Variants in PPARGC1A observed in about 807,000 individuals in gnomAD.
PPARGC1A encodes the protein PPARG coactivator 1 alpha.
A neutral mutation model predicts 88.7 loss-of-function variants in PPARGC1A; 25 were observed. The observed-to-expected ratio is 0.28, with a 90% CI of 0.21 to 0.39. The LOEUF (loss-of-function observed/expected upper bound fraction) is 0.39. PPARGC1A is among the 10% of genes least tolerant of loss of function. The pLI, the probability that PPARGC1A is intolerant of heterozygous loss-of-function variation, is 1.00. For missense variants in PPARGC1A, 880 were observed against 968.7 expected (o/e 0.91, Z 1.22); for synonymous variants, 363 against 355.6 (o/e 1.02, Z -0.24).
At chr4:24,220,272 G>A in the PPARGC1A span, among the ~76,000 whole-genome samples, 1 of 152,212 alleles carries the variant, frequency 6.6e-6, no homozygotes, top group African/African-American at 2.4e-5. Context: ...TACACTGTTG[G>A]TGGGAACACA....
intron 10 of PPARGC1A, among the ~76,000 whole-genome samples, chr4:23,807,083 T>G (rs542181616): frequency 6.6e-6 from 1 of 152,160 alleles, no homozygotes; most frequent in Non-Finnish European, 1.5e-5. Flanking sequence ...ACTTTGGCAG[T>G]GAAATACTAG....
At chr4:24,105,632 T>C in the PPARGC1A span, among the ~76,000 whole-genome samples, 4 of 152,276 alleles carry the variant, frequency 2.6e-5, no homozygotes, top group South Asian at 8.3e-4. Context: ...TACTCGTCCA[T>C]GGACCACCCT....
the PPARGC1A span, among the ~76,000 whole-genome samples, chr4:24,419,001 C>T: frequency 6.6e-6 from 1 of 152,092 alleles, no homozygotes; most frequent in African/African-American, 2.4e-5. Flanking sequence ...TTCTTTTCTT[C>T]TCTGGGACAA....
At chr4:24,156,993 A>G in the PPARGC1A span, among the ~76,000 whole-genome samples, 2 of 152,106 alleles carry the variant, frequency 1.3e-5, no homozygotes, top group African/African-American at 4.8e-5. Flanking sequence ...TTGATACAAG[A>G]CACTCATTTT....
chr4:23,802,367 G>A, intron 10 of PPARGC1A, 22 bp from the exon 11 acceptor site: 4 of 1,613,660 alleles, frequency 2.5e-6, no homozygotes, highest in Non-Finnish European at 3.4e-6. Flanking sequence ...AGGAAGGAGA[G>A]AGTTCTGGAG....
At chr4:24,234,900 T>C in the PPARGC1A span, among the ~76,000 whole-genome samples, 19 of 152,182 alleles carry the variant, frequency 1.2e-4, no homozygotes. Flanking sequence ...CTATTACAAG[T>C]ATTTGCAACA....
the PPARGC1A span, among the ~76,000 whole-genome samples, chr4:23,917,295 T>C: frequency 2.0e-5 from 3 of 152,168 alleles, no homozygotes; most frequent in Non-Finnish European, 4.4e-5. Context: ...TTCACAGTTA[T>C]ATTACACCAC....
the PPARGC1A span, among the ~76,000 whole-genome samples, chr4:24,195,929 G>C: frequency 6.6e-6 from 1 of 152,296 alleles, no homozygotes; most frequent in African/African-American, 2.4e-5. Context: ...GGCCACAAGA[G>C]AAGAAGTCCC....
At chr4:24,450,186 C>T in the PPARGC1A span, among the ~76,000 whole-genome samples, 2 of 152,182 alleles carry the variant, frequency 1.3e-5, no homozygotes. Context: ...AATGGTCTCT[C>T]GTAAACATGG....
At chr4:24,229,995 T>G in the PPARGC1A span, among the ~76,000 whole-genome samples, 15 of 152,334 alleles carry the variant, frequency 9.8e-5, no homozygotes, top group South Asian at 1.4e-3. Flanking sequence ...AAAATCTCAC[T>G]GCCAGCATCA....
At chr4:24,029,736 ATTGT>A in the PPARGC1A span, among the ~76,000 whole-genome samples, 1 of 152,164 alleles carries the variant, frequency 6.6e-6, no homozygotes. Flanking sequence ...CTTCACTCTT[ATTGT>A]TTATTTAAAG....
At chr4:24,161,369 C>G in the PPARGC1A span, among the ~76,000 whole-genome samples, 2 of 152,300 alleles carry the variant, frequency 1.3e-5, no homozygotes, top group African/African-American at 4.8e-5. Flanking sequence ...CAAGAGTCAG[C>G]TCAGGTTTCC....
chr4:24,201,399 G>C, the PPARGC1A span, among the ~76,000 whole-genome samples: 1 of 152,186 alleles, frequency 6.6e-6, no homozygotes. Context: ...GAAGACAAAT[G>C]GTGAATCCCT....
chr4:24,199,367 G>T, the PPARGC1A span, among the ~76,000 whole-genome samples: 1 of 152,082 alleles, frequency 6.6e-6, no homozygotes. Context: ...GATAGAAACA[G>T]CCACAGAAAA....
At chr4:24,366,503 C>A in the PPARGC1A span, among the ~76,000 whole-genome samples, 10 of 152,160 alleles carry the variant, frequency 6.6e-5, no homozygotes, top group African/African-American at 2.2e-4. Context: ...CTTCCTTTAT[C>A]TTCTATATTA....
the PPARGC1A span, among the ~76,000 whole-genome samples, chr4:24,451,578 T>G: frequency 6.6e-6 from 1 of 152,124 alleles, no homozygotes; most frequent in Non-Finnish European, 1.5e-5. Flanking sequence ...TTTGTTGTTG[T>G]TGTTGTTGTT....
intron 7 of PPARGC1A, chr4:23,820,635 AC>A: frequency 1.1e-5 from 5 of 441,402 alleles, no homozygotes; most frequent in Non-Finnish European, 2.3e-5. Flanking sequence ...ATTAGTTTTT[AC>A]ACCTGTAAAA....
At chr4:23,822,895 A>G (rs903443124) in intron 7 of PPARGC1A, among the ~76,000 whole-genome samples, 2 of 152,072 alleles carry the variant, frequency 1.3e-5, no homozygotes, top group Non-Finnish European at 2.9e-5. Context: ...CTGTACAGCT[A>G]TTACAATCAC....
At chr4:24,105,655 G>T in the PPARGC1A span, among the ~76,000 whole-genome samples, 1 of 152,076 alleles carries the variant, frequency 6.6e-6, no homozygotes, top group African/African-American at 2.4e-5. Context: ...TATAATAAGC[G>T]AATGGTGTTT....
Sources: allele counts gnomAD v4.1 joint callset (sites outside exome capture counted in the v4.1 genomes callset), GRCh38; gene constraint gnomAD v4.1.1; transcripts MANE v1.5; gene names NCBI Gene and HGNC (gene_info 2026-07-23, HGNC 2026-07-21).